SLC1A3: variants seen among roughly 807,000 people sequenced by gnomAD.
SLC1A3 encodes the protein excitatory amino acid transporter 1.
A neutral mutation model predicts 48.1 loss-of-function variants in SLC1A3; 21 were observed. The observed-to-expected ratio is 0.44, with a 90% CI of 0.31 to 0.63. The LOEUF (loss-of-function observed/expected upper bound fraction) is 0.63, where lower values mean the gene tolerates loss of function less well. Ranked by LOEUF, SLC1A3 falls within the 20% of genes least tolerant of loss-of-function variation. The pLI is 0.08. For missense variants in SLC1A3, 546 were observed against 689.0 expected, an observed-to-expected ratio of 0.79 and a Z score of 2.32; for synonymous variants, 239 against 251.4, an observed-to-expected ratio of 0.95 and a Z score of 0.47.
At position 36,629,699 on chromosome 5, in the gene SLC1A3, G is replaced by GAA. The variant is rs199769251; in HGVS notation, c.319+124_319+125dup. On this transcript the variant is annotated intron_variant, in intron 3 of 9. Coordinates refer to ENST00000265113, the MANE Select transcript of SLC1A3 (RefSeq NM_004172.5). ...TCTGCTGGATGCATGCTCTGTTCTA[G>GAA]AAAAAAAAAAAAAGTCCCTTCAAAA... The GAA allele has an allele frequency of 1.8e-3, 1,219 of 669,716 alleles. 1 individual carries two copies. The highest frequency in any genetic ancestry group is 4.6e-3 in the Admixed American group (192 of 41,714). 41.5% of individuals were successfully genotyped at this position (669,716 alleles called of 1,614,324 possible). A position where few individuals can be genotyped will look rare whatever the true frequency, so the allele number is the denominator to read the frequency against.
chr5:36,680,647 G>T, intron 8 of SLC1A3, 58 bp downstream of exon 8: 2 of 1,435,570 alleles, frequency 1.4e-6, no homozygotes, highest in Non-Finnish European at 2.0e-6. Context: ...GCTGGGCGTG[G>T]TGGCTCACGC....
At chr5:36,679,068 C>A (rs1475588295) in intron 6 of SLC1A3, among the ~76,000 whole-genome samples, 1 of 152,156 alleles carries the variant, frequency 6.6e-6, no homozygotes, top group Non-Finnish European at 1.5e-5. Flanking sequence ...ATAAAAGTGG[C>A]CCTTGAATAA....
chr5:36,642,397 C>A (rs1243423039), intron 3 of SLC1A3, among the ~76,000 whole-genome samples: 1 of 152,152 alleles, frequency 6.6e-6, no homozygotes, highest in Non-Finnish European at 1.5e-5. Context: ...AACTTTGCCA[C>A]CCACCACTAA....
intron 2 of SLC1A3, among the ~76,000 whole-genome samples, chr5:36,610,687 A>T (rs758074351): frequency 2.6e-5 from 4 of 152,200 alleles, no homozygotes; most frequent in African/African-American, 9.6e-5. Context: ...GTTTTTCTCT[A>T]GGAGTTCTGG....
chr5:36,652,255 G>T (rs902564195), intron 3 of SLC1A3, among the ~76,000 whole-genome samples: 2 of 152,090 alleles, frequency 1.3e-5, no homozygotes, highest in African/African-American at 4.8e-5. Flanking sequence ...TCCCTGACAG[G>T]CATTTCCAGA....
intron 3 of SLC1A3, chr5:36,669,855 A>G (rs796151051): frequency 1.2e-4 from 18 of 152,220 alleles, no homozygotes; most frequent in African/African-American, 4.1e-4. Context: ...TCATGTGAAC[A>G]GGGCCACTAC....
intron 3 of SLC1A3, among the ~76,000 whole-genome samples, chr5:36,641,008 T>C (rs1188064998): frequency 1.1e-4 from 17 of 151,704 alleles, no homozygotes; most frequent in African/African-American, 3.9e-4. Flanking sequence ...CACACACACA[T>C]ACACACACAC....
chr5:36,627,495 TA>T (rs367790434), intron 2 of SLC1A3, among the ~76,000 whole-genome samples: 210 of 143,646 alleles, frequency 1.5e-3, no homozygotes, highest in Middle Eastern at 3.6e-3. Context: ...AAAACTACAC[TA>T]AAAAAAAAAA....
rs542527031 is a variant in SLC1A3, at chr5:36,611,349, T to A, written c.181+2745T>A. On this transcript the variant is annotated intron_variant, in intron 2 of 9. Coordinates refer to ENST00000265113, the MANE Select transcript of SLC1A3 (RefSeq NM_004172.5). ...GGTTGAATCTTTTGTTTAGACTGTTTTTTTTTTTTGCCTTTTTGAAATAAA... is the reference window on the plus strand; with the variant it reads ...GGTTGAATCTTTTGTTTAGACTGTTATTTTTTTTTGCCTTTTTGAAATAAA... Among the ~76,000 whole-genome samples the A allele has an allele frequency of 3.1e-4, 47 of 150,488 alleles. No homozygotes were observed. The East Asian group carries it at 9.1e-3, about 29-fold the overall frequency.
At chr5:36,670,713 C>T in intron 3 of SLC1A3, 1 of 423,404 alleles carries the variant, frequency 2.4e-6, no homozygotes, top group Non-Finnish European at 4.5e-6. Context: ...CCCCAACTAA[C>T]AGTAACCTAG....
chr5:36,687,453 C>G lies in SLC1A3; in HGVS notation c.*1184C>G, dbSNP rs984544747. Reference sequence around the variant, plus strand: ...TTTTTTCACCTGAAACACTTTTTCTCGAGTCCAAAATCATTCCCCCCGTGA... The same window carrying G: ...TTTTTTCACCTGAAACACTTTTTCTGGAGTCCAAAATCATTCCCCCCGTGA... On this transcript the variant is annotated 3_prime_UTR_variant, in exon 10 of 10. Transcript: ENST00000265113. 2 of 151,634 alleles carry G rather than the reference C, an allele frequency of 1.3e-5. No homozygotes were observed. Among genetic ancestry groups the G allele is most frequent in the African/African-American group, 2.4e-5 (1 of 41,268 alleles). 9.4% of individuals were successfully genotyped at this position (151,634 alleles called of 1,614,324 possible).
At chr5:36,613,006 C>A in intron 2 of SLC1A3, 1 of 353,016 alleles carries the variant, frequency 2.8e-6, no homozygotes, top group South Asian at 2.1e-5. Context: ...AGACCAATGG[C>A]CCGCTTTCTG....
upstream of SLC1A3, among the ~76,000 whole-genome samples, chr5:36,605,688 G>C (rs1341135997): frequency 6.6e-6 from 1 of 152,058 alleles, no homozygotes; most frequent in Non-Finnish European, 1.5e-5. Context: ...GAAGATTTAA[G>C]TTTTGGGAAT....
chr5:36,598,692 G>A (rs1738771176), intron 1 of SLC1A3, among the ~76,000 whole-genome samples: 1 of 152,188 alleles, frequency 6.6e-6, no homozygotes, highest in African/African-American at 2.4e-5. Flanking sequence ...CACGAACACA[G>A]CTCTCTGCAG....
intron 3 of SLC1A3, chr5:36,636,454 CTTTCTTTCT>C (rs1342406945): frequency 2.2e-4 from 28 of 129,530 alleles, no homozygotes; most frequent in Non-Finnish European, 4.9e-5. Flanking sequence ...CTTTTTCTTT[CTTTCTTTCT>C]TTTCTTTCTT....
chr5:36,675,092 G>A (rs1267186622), intron 5 of SLC1A3, among the ~76,000 whole-genome samples: 1 of 152,034 alleles, frequency 6.6e-6, no homozygotes, highest in Non-Finnish European at 1.5e-5. Context: ...TTCTGCTTAG[G>A]ATCTGTAAAA....
chr5:36,635,838 C>A (rs1394466575), intron 3 of SLC1A3, among the ~76,000 whole-genome samples: 1 of 152,112 alleles, frequency 6.6e-6, no homozygotes, highest in Non-Finnish European at 1.5e-5. Context: ...ACAAGGCAAT[C>A]ATTATGAAGC....
At chr5:36,640,489 A>T (rs953484008) in intron 3 of SLC1A3, among the ~76,000 whole-genome samples, 5 of 152,240 alleles carry the variant, frequency 3.3e-5, no homozygotes, top group Non-Finnish European at 4.4e-5. Flanking sequence ...TTTATTTTTT[A>T]AAACAATTGT....
chr5:36,640,438 C>T (rs960251661), intron 3 of SLC1A3, among the ~76,000 whole-genome samples: 23 of 152,332 alleles, frequency 1.5e-4, no homozygotes, highest in African/African-American at 2.6e-4. Context: ...TCTTCTCAAC[C>T]GGACTGCCTC....
Sources: allele counts gnomAD v4.1 joint callset (sites outside exome capture counted in the v4.1 genomes callset), GRCh38; gene constraint gnomAD v4.1.1; transcripts MANE v1.5; gene names NCBI Gene and HGNC (gene_info 2026-07-23, HGNC 2026-07-21).